The following PLXNA4 variants were observed in gnomAD, a reference collection of about 807,000 sequenced individuals.
The protein encoded by PLXNA4 is plexin A4, also known as plexin-A4.
A neutral mutation model predicts 191.8 loss-of-function variants in PLXNA4; 44 were observed. That is an observed-to-expected ratio of 0.23 (90% CI 0.18 to 0.29). PLXNA4 has a LOEUF of 0.29. Among genes scored for constraint, PLXNA4 ranks in the 10% least tolerant of loss-of-function variants. PLXNA4 has a pLI of 1.00. For missense variants in PLXNA4, 1,800 were observed against 2,488.8 expected (o/e 0.72, Z 5.89); for synonymous variants, 1,082 against 1,009.5 (o/e 1.07, Z -1.36).
chr7:132,371,396 T>G (rs10231676), intron 3 of PLXNA4, among the ~76,000 whole-genome samples: 69,641 of 151,986 alleles, frequency 0.46, 18,483 homozygotes, highest in African/African-American at 0.74. Flanking sequence ...TAACTTTCGG[T>G]ATCTTACAGC....
intron 3 of PLXNA4, among the ~76,000 whole-genome samples, chr7:132,314,472 G>T (rs1369184447): frequency 6.6e-6 from 1 of 152,176 alleles, no homozygotes; most frequent in Non-Finnish European, 1.5e-5. Context: ...ATGACCGGGG[G>T]TGCTGGTTCC....
chr7:132,171,243 T>G (rs906705169), intron 21 of PLXNA4, among the ~76,000 whole-genome samples: 1 of 152,270 alleles, frequency 6.6e-6, no homozygotes, highest in African/African-American at 2.4e-5. Context: ...TTACACACAT[T>G]GTTTCAATGA....
intron 2 of PLXNA4, among the ~76,000 whole-genome samples, chr7:132,594,687 T>A (rs1227003972): frequency 6.6e-6 from 1 of 152,102 alleles, no homozygotes; most frequent in Admixed American, 6.5e-5. Flanking sequence ...CAAAGAACGG[T>A]TCCAAATTTA....
intron 3 of PLXNA4, among the ~76,000 whole-genome samples, chr7:132,380,925 C>T (rs1585057928): frequency 6.6e-6 from 1 of 152,218 alleles, no homozygotes; most frequent in South Asian, 2.1e-4. Flanking sequence ...GGAAGAACTT[C>T]CCACTGCCAA....
chr7:132,556,882 T>C (rs1366463373), intron 1 of PLXNA4, among the ~76,000 whole-genome samples: 1 of 152,186 alleles, frequency 6.6e-6, no homozygotes, highest in African/African-American at 2.4e-5. Context: ...CTCAACCCAT[T>C]GATGAGGATG....
At chr7:132,554,747 G>A (rs1195678664) in intron 1 of PLXNA4, among the ~76,000 whole-genome samples, 3 of 152,188 alleles carry the variant, frequency 2.0e-5, no homozygotes, top group Non-Finnish European at 4.4e-5. Flanking sequence ...TGGGGCTGAA[G>A]ACAGCTGAGA....
upstream of PLXNA4, among the ~76,000 whole-genome samples, chr7:132,581,920 A>G (rs1185758424): frequency 2.6e-5 from 4 of 152,348 alleles, no homozygotes; most frequent in Admixed American, 6.5e-5. Context: ...TGTCTTTTTA[A>G]CCGCAGAAAC....
intron 1 of PLXNA4, among the ~76,000 whole-genome samples, chr7:132,563,138 TCTCCTCTTC>T (rs1801396922): frequency 2.2e-5 from 1 of 45,366 alleles, no homozygotes; most frequent in Non-Finnish European, 4.5e-5. Flanking sequence ...TCCTCCTCCT[TCTCCTCTTC>T]CTCCTTCTCC....
chr7:132,512,934 G>A (rs915103061), intron 1 of PLXNA4, among the ~76,000 whole-genome samples: 7 of 152,194 alleles, frequency 4.6e-5, no homozygotes, highest in Admixed American at 2.6e-4. Context: ...GATTCTTAAA[G>A]GCAAGTAATG....
chr7:132,284,649 G>A (rs1051618039), intron 4 of PLXNA4, among the ~76,000 whole-genome samples: 2 of 152,202 alleles, frequency 1.3e-5, no homozygotes, highest in Admixed American at 1.3e-4. Context: ...AGCCAACCAG[G>A]AGTGGGGCCG....
intron 2 of PLXNA4, among the ~76,000 whole-genome samples, chr7:132,493,042 G>C (rs1797866832): frequency 6.6e-6 from 1 of 152,180 alleles, no homozygotes. Context: ...AGGGCCTGTA[G>C]ACCTGGGAGG....
At chr7:132,345,298 C>G (rs151113765) in intron 3 of PLXNA4, among the ~76,000 whole-genome samples, 8 of 152,306 alleles carry the variant, frequency 5.3e-5, no homozygotes, top group African/African-American at 1.9e-4. Flanking sequence ...TCATTAATCT[C>G]AGTAAGTTAT....
intron 3 of PLXNA4, among the ~76,000 whole-genome samples, chr7:132,333,213 G>C (rs1802664966): frequency 2.6e-5 from 4 of 152,190 alleles, no homozygotes; most frequent in Admixed American, 2.6e-4. Flanking sequence ...GGCCATCCCT[G>C]TGTGTGGCTA....
At chr7:132,505,577 T>C (rs527248582) in intron 2 of PLXNA4, among the ~76,000 whole-genome samples, 3 of 152,338 alleles carry the variant, frequency 2.0e-5, no homozygotes, top group South Asian at 2.1e-4. Flanking sequence ...TGTATGCATG[T>C]ATGGGTGTCC....
chr7:132,475,240 G>C (rs1346130212), intron 3 of PLXNA4, among the ~76,000 whole-genome samples: 2 of 152,088 alleles, frequency 1.3e-5, no homozygotes, highest in Admixed American at 6.5e-5. Flanking sequence ...GCCCCTCCCA[G>C]CCCTCCTTGG....
chr7:132,627,722 C>G (rs4568549), intron 2 of PLXNA4, among the ~76,000 whole-genome samples: 15 of 151,938 alleles, frequency 9.9e-5, no homozygotes, highest in Non-Finnish European at 1.9e-4. Context: ...TTTGCTTCTT[C>G]CACCATATGA....
At chr7:132,194,446 C>G (rs140915889) in intron 13 of PLXNA4, among the ~76,000 whole-genome samples, 10 of 152,328 alleles carry the variant, frequency 6.6e-5, no homozygotes, top group Non-Finnish European at 1.5e-4. Context: ...GTCCCTAATT[C>G]ATTATTATCT....
intron 4 of PLXNA4, among the ~76,000 whole-genome samples, chr7:132,242,901 T>C (rs997498686): frequency 6.6e-6 from 1 of 152,190 alleles, no homozygotes; most frequent in Admixed American, 6.5e-5. Flanking sequence ...GTCTTTAATT[T>C]CTCTTCCTAC....
intron 2 of PLXNA4, among the ~76,000 whole-genome samples, chr7:132,636,984 T>A (rs1262880127): frequency 6.6e-6 from 1 of 152,200 alleles, no homozygotes; most frequent in African/African-American, 2.4e-5. Flanking sequence ...CCCAGGAAGC[T>A]ATTGCCTCAA....
Sources: allele counts gnomAD v4.1 joint callset (sites outside exome capture counted in the v4.1 genomes callset), GRCh38; gene constraint gnomAD v4.1.1; transcripts MANE v1.5; gene names NCBI Gene and HGNC (gene_info 2026-07-23, HGNC 2026-07-21).